Variants in MBD2 observed in about 807,000 individuals in gnomAD.
MBD2 encodes the protein methyl-CpG-binding domain protein 2.
In MBD2, 9 loss-of-function variants were observed where a neutral mutation model predicts 39.3. That is an observed-to-expected ratio of 0.23 (90% CI 0.14 to 0.40). MBD2 has a LOEUF of 0.40. Among genes scored for constraint, MBD2 ranks in the 10% least tolerant of loss-of-function variants. The pLI, the probability that MBD2 is intolerant of heterozygous loss-of-function variation, is 1.00. For missense variants in MBD2, 458 were observed against 532.6 expected, an observed-to-expected ratio of 0.86 and a Z score of 1.38; for synonymous variants, 233 against 211.1, an observed-to-expected ratio of 1.10 and a Z score of -0.90.
intron 5 of MBD2, 169 bp from the exon 6 acceptor site, chr18:54,160,072 A>G: frequency 1.6e-6 from 1 of 640,416 alleles, no homozygotes; most frequent in Non-Finnish European, 2.6e-6. Flanking sequence ...AACCTCACCA[A>G]TGAGCCTTGC....
At chr18:54,188,829 G>A in intron 3 of MBD2, 45 bp downstream of exon 3, 1 of 1,544,048 alleles carries the variant, frequency 6.5e-7, no homozygotes, top group Non-Finnish European at 8.8e-7. Flanking sequence ...AAAAATACCA[G>A]CATTTTTCTG....
chr18:54,191,975 T>C (rs2086322415), intron 2 of MBD2, among the ~76,000 whole-genome samples: 1 of 152,240 alleles, frequency 6.6e-6, no homozygotes, highest in Non-Finnish European at 1.5e-5. Context: ...CTTAGGTTGC[T>C]AACTCTACGA....
At chr18:54,214,840 C>T (rs1010016411) in intron 1 of MBD2, among the ~76,000 whole-genome samples, 3 of 151,142 alleles carry the variant, frequency 2.0e-5, no homozygotes, top group Non-Finnish European at 2.9e-5. Context: ...CCCGGGTTCA[C>T]GCCATTCTCC....
chr18:54,179,051 G>A (rs967097250), intron 3 of MBD2, among the ~76,000 whole-genome samples: 7 of 152,166 alleles, frequency 4.6e-5, no homozygotes, highest in Admixed American at 2.0e-4. Flanking sequence ...CTAGCCAGGC[G>A]TGGTGGTGTG....
At chr18:54,191,249 C>T (rs1171944615) in intron 2 of MBD2, among the ~76,000 whole-genome samples, 7 of 152,126 alleles carry the variant, frequency 4.6e-5, no homozygotes, top group Non-Finnish European at 8.8e-5. Context: ...TGAGATAGGG[C>T]CTAGGAATTT....
At chr18:54,172,544 C>T (rs2086185583) in intron 3 of MBD2, among the ~76,000 whole-genome samples, 1 of 152,046 alleles carries the variant, frequency 6.6e-6, no homozygotes, top group Non-Finnish European at 1.5e-5. Flanking sequence ...TTCTCATGAC[C>T]ACACTGAAAA....
chr18:54,213,085 C>CGG (rs778109166), intron 1 of MBD2, among the ~76,000 whole-genome samples: 1,036 of 72,328 alleles, frequency 0.014, 25 homozygotes, highest in African/African-American at 0.048. Context: ...ATTATGGGGG[C>CGG]GGGGGGGGGG....
chr18:54,190,873 A>C (rs1448535500), intron 2 of MBD2, among the ~76,000 whole-genome samples: 1 of 152,146 alleles, frequency 6.6e-6, no homozygotes, highest in Non-Finnish European at 1.5e-5. Flanking sequence ...TCAATCAATA[A>C]AATCTACGAT....
chr18:54,196,894 G>C (rs542419129), intron 2 of MBD2, among the ~76,000 whole-genome samples: 18 of 152,282 alleles, frequency 1.2e-4, no homozygotes, highest in African/African-American at 4.3e-4. Flanking sequence ...CTGTCACTCT[G>C]CTTCCTAGCA....
intron 2 of MBD2, among the ~76,000 whole-genome samples, chr18:54,195,893 A>T (rs1271425821): frequency 6.6e-6 from 1 of 152,156 alleles, no homozygotes; most frequent in East Asian, 1.9e-4. Flanking sequence ...CCTGGTTCAA[A>T]CAAAGGTGTG....
At chr18:54,215,798 T>A (rs2086554424) in intron 1 of MBD2, among the ~76,000 whole-genome samples, 1 of 150,866 alleles carries the variant, frequency 6.6e-6, no homozygotes. Flanking sequence ...CCGGCCTTTT[T>A]TTTTTTGTTT....
At chr18:54,213,360 TCTAA>T (rs2086527028) in intron 1 of MBD2, among the ~76,000 whole-genome samples, 1 of 152,136 alleles carries the variant, frequency 6.6e-6, no homozygotes. Context: ...CTTATGAGAA[TCTAA>T]CTAATGCCTG....
intron 5 of MBD2, among the ~76,000 whole-genome samples, chr18:54,162,250 T>C (rs1363314013): frequency 6.6e-6 from 1 of 152,194 alleles, no homozygotes; most frequent in Non-Finnish European, 1.5e-5. Context: ...TTGTGAGAAT[T>C]TGTTACAAAG....
At chr18:54,209,525 T>C (rs1399476294) in intron 1 of MBD2, among the ~76,000 whole-genome samples, 1 of 152,214 alleles carries the variant, frequency 6.6e-6, no homozygotes, top group African/African-American at 2.4e-5. Context: ...CTGTATTGGA[T>C]AGCTACAAGT....
chr18:54,197,926 CCT>C (rs1430399544), intron 2 of MBD2, among the ~76,000 whole-genome samples: 2 of 152,200 alleles, frequency 1.3e-5, no homozygotes, highest in Non-Finnish European at 2.9e-5. Flanking sequence ...GTTCCCCTTC[CCT>C]GTCCCCAACT....
At chr18:54,178,960 C>T (rs1221923819) in intron 3 of MBD2, among the ~76,000 whole-genome samples, 1 of 152,114 alleles carries the variant, frequency 6.6e-6, no homozygotes, top group Non-Finnish European at 1.5e-5. Flanking sequence ...GAATATTCTT[C>T]CATGTATCTA....
rs1355910937 is a variant in MBD2 at position 54,224,281 on chromosome 18, G to A, written c.279C>T (p.Gly93=). 2.2e-6 allele frequency: 2 copies of A among 927,800 alleles called. No individual in the cohort carries two copies. The highest frequency in any genetic ancestry group is 1.2e-4 in the East Asian group (1 of 8,318). The allele number at this position is 927,800 out of a possible 1,614,324, so 57.5% of individuals were successfully genotyped here. Residue 93 remains glycine, a synonymous_variant, in exon 1 of 7, where the codon GGC becomes GGT. Transcript: ENST00000256429. ...GRGRGRGRGR[G]RGRPPSGGSG... is the part of the protein sequence containing the mutation. Reference sequence around the variant, plus strand: ...TGCCGCCACTCGGGGGACGGCCGCGGCCCCGGCCCCGGCCCCGTCCCCGTC... The same window carrying A: ...TGCCGCCACTCGGGGGACGGCCGCGACCCCGGCCCCGGCCCCGTCCCCGTC...
chr18:54,202,632 A>T, intron 2 of MBD2: 1 of 817,902 alleles, frequency 1.2e-6, no homozygotes, highest in Non-Finnish European at 1.5e-6. Context: ...TCCAAAAATT[A>T]AGGCAGAAAG....
intron 6 of MBD2, among the ~76,000 whole-genome samples, chr18:54,157,066 G>A (rs1657042172): frequency 6.6e-6 from 1 of 152,074 alleles, no homozygotes; most frequent in Non-Finnish European, 1.5e-5. Flanking sequence ...GAGACGGTGT[G>A]GCTGCAGCCG....
Sources: allele counts gnomAD v4.1 joint callset (sites outside exome capture counted in the v4.1 genomes callset), GRCh38; gene constraint gnomAD v4.1.1; transcripts MANE v1.5; gene names NCBI Gene and HGNC (gene_info 2026-07-23, HGNC 2026-07-21).